Variants in FHIT observed in about 807,000 individuals in gnomAD.
The protein encoded by FHIT is bis(5'-adenosyl)-triphosphatase.
In FHIT, 19 loss-of-function variants were observed where a neutral mutation model predicts 17.9. The observed-to-expected ratio is 1.06, with a 90% CI of 0.74 to 1.56. The LOEUF (loss-of-function observed/expected upper bound fraction) is 1.56, where lower values mean the gene tolerates loss of function less well. Among genes scored for constraint, FHIT ranks in the 40% most tolerant of loss-of-function variants. FHIT has a pLI of 0.00. For missense variants in FHIT, 248 were observed against 189.2 expected (o/e 1.31, Z -1.82); for synonymous variants, 81 against 69.7 (o/e 1.16, Z -0.81).
chr3:59,793,248 C>T (rs1699642470), intron 8 of FHIT, among the ~76,000 whole-genome samples: 1 of 152,130 alleles, frequency 6.6e-6, no homozygotes, highest in Admixed American at 6.5e-5. Context: ...TTAATGACTA[C>T]CTATTGTAGG....
At chr3:60,028,707 A>C (rs1700857680) in intron 5 of FHIT, among the ~76,000 whole-genome samples, 1 of 152,206 alleles carries the variant, frequency 6.6e-6, no homozygotes, top group Non-Finnish European at 1.5e-5. Context: ...CAAATAACTG[A>C]CTTTGGGAAT....
intron 5 of FHIT, among the ~76,000 whole-genome samples, chr3:60,473,946 A>G (rs545108073): frequency 3.1e-4 from 47 of 151,946 alleles, no homozygotes; most frequent in Non-Finnish European, 5.9e-4. Flanking sequence ...AAAAAAGAAA[A>G]CCTAACCTCA....
rs746649804 is a variant in FHIT at position 61,036,901 on chromosome 3, G to GTTTTTTTTTTTTTTTTT, written c.-111+5145_-111+5146insAAAAAAAAAAAAAAAAA. Among the ~76,000 whole-genome samples the GTTTTTTTTTTTTTTTTT allele has an allele frequency of 9.8e-4, 69 of 70,304 alleles. 6 individuals carry two copies. Among genetic ancestry groups the GTTTTTTTTTTTTTTTTT allele is most frequent in the African/African-American group, 1.7e-3 (54 of 31,322 alleles). 46.1% of individuals were successfully genotyped at this position (70,304 alleles called of 152,430 possible). ...TTCACCTCAAAGATCAGTCTGCTTT[G>GTTTTTTTTTTTTTTTTT]TTTTTTTTTTTTGTTTGTTTGTTTT... On this transcript the variant is annotated intron_variant, in intron 3 of 9. Coordinates refer to ENST00000492590, the MANE Select transcript of FHIT (RefSeq NM_002012.4).
chr3:59,853,549 G>A (rs1001205490), intron 8 of FHIT, among the ~76,000 whole-genome samples: 13 of 152,050 alleles, frequency 8.5e-5, no homozygotes, highest in African/African-American at 3.1e-4. Context: ...ATATGAAACT[G>A]GAAGCTTATC....
chr3:60,509,212 T>C (rs2034851647), intron 5 of FHIT, among the ~76,000 whole-genome samples: 1 of 152,134 alleles, frequency 6.6e-6, no homozygotes, highest in Non-Finnish European at 1.5e-5. Context: ...ACATGTATGG[T>C]TGGAGCTACA....
intron 7 of FHIT, among the ~76,000 whole-genome samples, chr3:59,922,992 G>T (rs1575702361): frequency 6.6e-6 from 1 of 152,174 alleles, no homozygotes; most frequent in East Asian, 1.9e-4. Flanking sequence ...GGGCACGGTG[G>T]CTCATGCCTG....
chr3:59,960,482 T>C (rs1268664928), intron 7 of FHIT, among the ~76,000 whole-genome samples: 1 of 152,184 alleles, frequency 6.6e-6, no homozygotes, highest in Non-Finnish European at 1.5e-5. Context: ...GAATACCTTT[T>C]GGGCATCCTA....
chr3:60,465,272 AC>A (rs1282039841), intron 5 of FHIT, among the ~76,000 whole-genome samples: 1 of 151,820 alleles, frequency 6.6e-6, no homozygotes, highest in South Asian at 2.1e-4. Context: ...TTGGTTATTA[AC>A]CCCTTGTCAG....
intron 5 of FHIT, among the ~76,000 whole-genome samples, chr3:60,043,705 T>TC (rs1240553945): frequency 6.7e-6 from 1 of 149,194 alleles, no homozygotes; most frequent in Non-Finnish European, 1.5e-5. Context: ...ATCTATTTTC[T>TC]CCCCCCAAAA....
At chr3:60,626,083 T>C (rs782625058) in intron 4 of FHIT, among the ~76,000 whole-genome samples, 12 of 152,212 alleles carry the variant, frequency 7.9e-5, no homozygotes, top group African/African-American at 1.2e-4. Context: ...TTCTATGCCA[T>C]TGATCTTTAT....
chr3:60,971,618 T>C (rs367689546), intron 3 of FHIT, among the ~76,000 whole-genome samples: 1 of 152,114 alleles, frequency 6.6e-6, no homozygotes, highest in Non-Finnish European at 1.5e-5. Flanking sequence ...CCCATGGGTA[T>C]TGTATTAAAT....
At chr3:60,349,279 C>T (rs1710957124) in intron 5 of FHIT, among the ~76,000 whole-genome samples, 1 of 152,160 alleles carries the variant, frequency 6.6e-6, no homozygotes, top group African/African-American at 2.4e-5. Flanking sequence ...GCTCACAAGC[C>T]ACCAAGTGTC....
Position 59,808,820 on chromosome 3 carries a change from G to A in FHIT, c.349-56499C>T, listed in dbSNP as rs1035784355. Reference sequence around the variant, plus strand: ...ATAAAATTAGCTACAAAGGGACTGCGGGGTAGAAACAATGTCTTCTGATAC... The same window carrying A: ...ATAAAATTAGCTACAAAGGGACTGCAGGGTAGAAACAATGTCTTCTGATAC... On this transcript the variant is annotated intron_variant, in intron 8 of 9. Transcript: ENST00000492590. Among the ~76,000 whole-genome samples the A allele has an allele frequency of 3.3e-5, 5 of 152,218 alleles. No homozygotes were observed. The South Asian group carries it at 6.2e-4, about 19-fold the overall frequency.
At chr3:60,382,076 G>T (rs982555520) in intron 5 of FHIT, among the ~76,000 whole-genome samples, 6 of 152,172 alleles carry the variant, frequency 3.9e-5, no homozygotes, top group Non-Finnish European at 5.9e-5. Flanking sequence ...TTGGACAGTG[G>T]CTAGCCTAGA....
At chr3:60,712,124 T>A (rs1473298545) in intron 4 of FHIT, among the ~76,000 whole-genome samples, 18 of 152,174 alleles carry the variant, frequency 1.2e-4, no homozygotes, top group Admixed American at 8.5e-4. Context: ...ATATTCAACA[T>A]TCTTAAAGAA....
chr3:60,092,441 T>TA (rs1386109936), intron 5 of FHIT, among the ~76,000 whole-genome samples: 2 of 152,186 alleles, frequency 1.3e-5, no homozygotes, highest in African/African-American at 4.8e-5. Flanking sequence ...CATAGTACTT[T>TA]AGAGGTAATG....
chr3:59,767,860 C>T (rs1669959697), intron 8 of FHIT, among the ~76,000 whole-genome samples: 2 of 152,104 alleles, frequency 1.3e-5, no homozygotes, highest in African/African-American at 2.4e-5. Flanking sequence ...CTGTCTATTC[C>T]CCCTCCTCAT....
intron 5 of FHIT, among the ~76,000 whole-genome samples, chr3:60,346,650 C>CCTAA (rs1710795655): frequency 6.6e-6 from 1 of 152,138 alleles, no homozygotes; most frequent in Admixed American, 6.6e-5. Context: ...TGTCTCCATG[C>CCTAA]CTAACTTTTC....
chr3:59,999,379 C>A (rs528843017), intron 7 of FHIT, among the ~76,000 whole-genome samples: 2 of 152,210 alleles, frequency 1.3e-5, no homozygotes, highest in African/African-American at 4.8e-5. Flanking sequence ...CTAGAGGGAA[C>A]CTATTGGAAG....
Sources: allele counts gnomAD v4.1 joint callset (sites outside exome capture counted in the v4.1 genomes callset), GRCh38; gene constraint gnomAD v4.1.1; transcripts MANE v1.5; gene names NCBI Gene and HGNC (gene_info 2026-07-23, HGNC 2026-07-21).